The following TMEM131 variants were observed in gnomAD, a reference collection of about 807,000 sequenced individuals.
TMEM131 encodes transmembrane protein 131.
In TMEM131, 66 loss-of-function variants were observed where a neutral mutation model predicts 211.6. The ratio of observed to expected loss-of-function variants is 0.31; its 90% CI spans 0.26 to 0.38. TMEM131 has a LOEUF of 0.38. Among genes scored for constraint, TMEM131 ranks in the 10% least tolerant of loss-of-function variants. The pLI, the probability that TMEM131 is intolerant of heterozygous loss-of-function variation, is 1.00. For synonymous variants in TMEM131, 844 were observed against 841.3 expected (o/e 1.00, Z -0.06); for missense variants, 2,036 against 2,299.3 (o/e 0.89, Z 2.34).
intron 39 of TMEM131, 152 bp from the exon 40 acceptor site, chr2:97,759,205 G>A: frequency 1.1e-6 from 1 of 908,732 alleles, no homozygotes. Context: ...AGGAAGTAGG[G>A]GCAGGAGTGT....
Position 97,825,659 on chromosome 2 carries a change from T to C in TMEM131, c.1075-6938A>G, listed in dbSNP as rs942094142. On this transcript the variant is annotated intron_variant, in intron 11 of 40. Transcript: ENST00000186436. ...TTTAAGCCTTCTCACAGGACAACACTTCTCTTTATACGTCAGAGAGAGAGC... is the reference window on the plus strand; with the variant it reads ...TTTAAGCCTTCTCACAGGACAACACCTCTCTTTATACGTCAGAGAGAGAGC... 5.3e-5 allele frequency among the ~76,000 whole-genome samples: 8 copies of C among 152,278 alleles called. No individual in the cohort carries two copies. The East Asian group carries it at 1.4e-3, about 26-fold the overall frequency.
chr2:97,907,525 G>A (rs1227103297), intron 3 of TMEM131, among the ~76,000 whole-genome samples: 2 of 152,242 alleles, frequency 1.3e-5, no homozygotes, highest in South Asian at 2.1e-4. Context: ...AGGCCTAGGA[G>A]GAACAAATGC....
chr2:97,945,731 T>A (rs1678002951), intron 1 of TMEM131, among the ~76,000 whole-genome samples: 1 of 152,134 alleles, frequency 6.6e-6, no homozygotes, highest in Admixed American at 6.5e-5. Context: ...AGAATATGAA[T>A]GTTTTTGACT....
chr2:97,962,552 A>G (rs1187451591), intron 1 of TMEM131, among the ~76,000 whole-genome samples: 1 of 152,190 alleles, frequency 6.6e-6, no homozygotes, highest in African/African-American at 2.4e-5. Context: ...GAAATGACTG[A>G]CAACATCAAG....
chr2:97,982,854 G>A (rs1462244739), intron 1 of TMEM131, among the ~76,000 whole-genome samples: 1 of 152,186 alleles, frequency 6.6e-6, no homozygotes, highest in Non-Finnish European at 1.5e-5. Flanking sequence ...AGGAATTCAG[G>A]AAGCCTCTAG....
intron 4 of TMEM131, among the ~76,000 whole-genome samples, chr2:97,866,664 C>T (rs1329449300): frequency 6.6e-6 from 1 of 152,146 alleles, no homozygotes; most frequent in African/African-American, 2.4e-5. Context: ...GTTTTTGCTG[C>T]ATCCCGTAAG....
intron 7 of TMEM131, 126 bp downstream of exon 7, chr2:97,841,689 C>T: frequency 9.0e-7 from 1 of 1,111,920 alleles, no homozygotes; most frequent in Non-Finnish European, 1.2e-6. Context: ...AGTAATACCC[C>T]TCTCAATACA....
At chr2:97,942,381 C>T (rs1438404605) in intron 1 of TMEM131, among the ~76,000 whole-genome samples, 5 of 150,340 alleles carry the variant, frequency 3.3e-5, no homozygotes, top group Admixed American at 2.0e-4. Flanking sequence ...ATGTAAATGA[C>T]GAGTTAACGG....
chr2:97,902,826 T>C (rs910916655), intron 3 of TMEM131, among the ~76,000 whole-genome samples: 3 of 152,008 alleles, frequency 2.0e-5, no homozygotes, highest in African/African-American at 4.8e-5. Flanking sequence ...CAGGAAAACA[T>C]GAAAAGAGAG....
chr2:97,855,397 T>A (rs1316619974), intron 5 of TMEM131, among the ~76,000 whole-genome samples: 1 of 152,178 alleles, frequency 6.6e-6, no homozygotes, highest in Non-Finnish European at 1.5e-5. Context: ...ATTTTTTGCT[T>A]TTAATAAAAA....
At chr2:97,992,118 C>T (rs1002632193) in intron 1 of TMEM131, among the ~76,000 whole-genome samples, 15 of 152,198 alleles carry the variant, frequency 9.9e-5, no homozygotes, top group Admixed American at 3.3e-4. Flanking sequence ...CACTCTACCC[C>T]ATACAAAGGG....
At chr2:97,935,754 T>C (rs951456691) in intron 1 of TMEM131, among the ~76,000 whole-genome samples, 1 of 152,176 alleles carries the variant, frequency 6.6e-6, no homozygotes, top group Admixed American at 6.5e-5. Context: ...AGCATCAGAA[T>C]AAACTTTCTA....
Position 97,796,836 on chromosome 2 carries a change from A to G in TMEM131, c.3013+8T>C. ...ATTAGTGTCCTTGAAACTGTTAGGA[A>G]GACTTACTATCTGTACAATCTTTTA... On this transcript the variant is annotated splice_region_variant and intron_variant, in intron 27 of 40. Transcript: ENST00000186436. 1.2e-6 allele frequency: 2 copies of G among 1,609,470 alleles called. No individual in the cohort carries two copies. The highest frequency in any genetic ancestry group is 1.7e-6 in the Non-Finnish European group (2 of 1,178,120).
chr2:97,841,979 A>G (rs1336666680), intron 6 of TMEM131, 42 bp from the exon 7 acceptor site: 1 of 1,455,122 alleles, frequency 6.9e-7, no homozygotes, highest in Admixed American at 2.6e-5. Context: ...AGTTGCTTTT[A>G]TAATTAATAT....
intron 4 of TMEM131, among the ~76,000 whole-genome samples, chr2:97,877,186 T>C (rs949660105): frequency 2.6e-5 from 4 of 152,074 alleles, no homozygotes; most frequent in Admixed American, 2.0e-4. Context: ...TACAAACCAC[T>C]GCTCAAGGAA....
intron 1 of TMEM131, among the ~76,000 whole-genome samples, chr2:97,955,114 T>C (rs932840520): frequency 4.6e-5 from 7 of 151,812 alleles, no homozygotes; most frequent in African/African-American, 7.3e-5. Context: ...TCTAGTAATA[T>C]AGAAAAAGGA....
chr2:97,992,649 G>A (rs1425656985), intron 1 of TMEM131, among the ~76,000 whole-genome samples: 3 of 151,798 alleles, frequency 2.0e-5, no homozygotes, highest in Non-Finnish European at 4.4e-5. Context: ...TTTTAAAAAA[G>A]GTCTTATTTG....
At chr2:97,870,343 C>A (rs1381608191) in intron 4 of TMEM131, among the ~76,000 whole-genome samples, 1 of 152,154 alleles carries the variant, frequency 6.6e-6, no homozygotes, top group Non-Finnish European at 1.5e-5. Flanking sequence ...TATATGACTA[C>A]TTGGCTGAAC....
At chr2:97,925,408 C>T (rs1676941144) in intron 2 of TMEM131, among the ~76,000 whole-genome samples, 1 of 152,140 alleles carries the variant, frequency 6.6e-6, no homozygotes, top group South Asian at 2.1e-4. Flanking sequence ...ATGCAGATTC[C>T]TCAGAGTCCG....
Sources: allele counts gnomAD v4.1 joint callset (sites outside exome capture counted in the v4.1 genomes callset), GRCh38; gene constraint gnomAD v4.1.1; transcripts MANE v1.5; gene names NCBI Gene and HGNC (gene_info 2026-07-23, HGNC 2026-07-21).